The following CMIP variants were observed in gnomAD, a reference collection of about 807,000 sequenced individuals.
CMIP encodes c-Maf inducing protein.
A neutral mutation model predicts 97.3 loss-of-function variants in CMIP; 13 were observed. The observed-to-expected ratio is 0.13, with a 90% CI of 0.09 to 0.21. CMIP has a LOEUF of 0.21. Ranked by LOEUF, CMIP falls within the 10% of genes least tolerant of loss-of-function variation. The pLI, the probability that CMIP is intolerant of heterozygous loss-of-function variation, is 1.00. For synonymous variants in CMIP, 538 were observed against 436.3 expected (o/e 1.23, Z -2.91); for missense variants, 847 against 1,024.9 (o/e 0.83, Z 2.37).
intron 1 of CMIP, among the ~76,000 whole-genome samples, chr16:81,595,478 T>A (rs1252967794): frequency 1.3e-5 from 2 of 151,314 alleles, no homozygotes; most frequent in African/African-American, 4.8e-5. Context: ...AGCTTCTGCC[T>A]GCCCTGTTCA....
chr16:81,524,820 G>C (rs913506045), intron 1 of CMIP, among the ~76,000 whole-genome samples: 2 of 149,968 alleles, frequency 1.3e-5, no homozygotes, highest in African/African-American at 4.9e-5. Context: ...TTGAGATGGA[G>C]TCTCATTCCT....
At chr16:81,548,017 T>G (rs2090581454) in intron 1 of CMIP, among the ~76,000 whole-genome samples, 1 of 152,202 alleles carries the variant, frequency 6.6e-6, no homozygotes, top group Admixed American at 6.5e-5. Context: ...TGGAACAATT[T>G]CCAGATCATT....
At chr16:81,699,648 G>A in intron 14 of CMIP, 37 bp from the exon 15 acceptor site, 1 of 1,391,400 alleles carries the variant, frequency 7.2e-7, no homozygotes, top group African/African-American at 1.4e-5. Context: ...GGCACTGGGT[G>A]TCTCTGTCCC....
intron 1 of CMIP, among the ~76,000 whole-genome samples, chr16:81,577,012 A>T (rs918194018): frequency 6.8e-6 from 1 of 147,400 alleles, no homozygotes; most frequent in Non-Finnish European, 1.5e-5. Flanking sequence ...TTACCACTAC[A>T]TTATTATCAC....
At chr16:81,470,508 A>G (rs1318588013) in intron 1 of CMIP, among the ~76,000 whole-genome samples, 1 of 152,214 alleles carries the variant, frequency 6.6e-6, no homozygotes, top group Non-Finnish European at 1.5e-5. Context: ...AAGTGCTAAA[A>G]ATAAGGCTGG....
At chr16:81,693,528 G>A (rs1343097404) in intron 13 of CMIP, 41 bp downstream of exon 13, 2 of 1,594,138 alleles carry the variant, frequency 1.3e-6, no homozygotes, top group Admixed American at 1.7e-5. Context: ...GCTGTCTGGG[G>A]ATGGCAGGAT....
At chr16:81,451,325 A>T (rs1053035507) in intron 1 of CMIP, among the ~76,000 whole-genome samples, 1 of 152,128 alleles carries the variant, frequency 6.6e-6, no homozygotes, top group Non-Finnish European at 1.5e-5. Flanking sequence ...GTCTGCCACC[A>T]TGTAAGACGT....
chr16:81,634,263 T>G (rs1416437966), intron 3 of CMIP, among the ~76,000 whole-genome samples: 9 of 152,214 alleles, frequency 5.9e-5, no homozygotes. Flanking sequence ...TCCATCTACT[T>G]TATTTTCATT....
rs2150826895 is a variant in CMIP at position 81,533,660 on chromosome 16, G to A, written c.301-73907G>A. Among the ~76,000 whole-genome samples the A allele has an allele frequency of 1.3e-5, 2 of 152,146 alleles. 1 individual carries two copies. The highest frequency in any genetic ancestry group is 1.3e-4 in the Admixed American group (2 of 15,290). On this transcript the variant is annotated intron_variant, in intron 1 of 20. Transcript: ENST00000537098. Reference sequence around the variant, plus strand: ...TGCCCAGCTAATTTTTTGTATTTTAGTAGAGACAGGGTTTCACCGTGTTGC... The same window carrying A: ...TGCCCAGCTAATTTTTTGTATTTTAATAGAGACAGGGTTTCACCGTGTTGC...
At position 81,675,123 on chromosome 16, in the gene CMIP, G is replaced by A. The variant is rs767065947; in HGVS notation, c.1034+3053G>A. The stretch of plus-strand genomic sequence containing the variant: ...CTGTTCTCCAGGCAAGAAGCAGGAA[G>A]AGGGTGACCCAGGGAGAGAACCACA... On this transcript the variant is annotated intron_variant, in intron 9 of 20. Coordinates refer to ENST00000537098, the MANE Select transcript of CMIP (RefSeq NM_198390.3). Among the ~76,000 whole-genome samples the A allele has an allele frequency of 2.0e-5, 3 of 152,204 alleles. No individual in the cohort carries two copies. The South Asian group carries it at 6.2e-4, about 32-fold the overall frequency.
chr16:81,658,411 C>A (rs1262682468), intron 5 of CMIP, among the ~76,000 whole-genome samples: 4 of 152,196 alleles, frequency 2.6e-5, no homozygotes, highest in Non-Finnish European at 5.9e-5. Context: ...CACAGATAAC[C>A]TAGTCCCTAA....
intron 7 of CMIP, chr16:81,665,799 C>T (rs2092596942): frequency 6.6e-6 from 1 of 152,170 alleles, no homozygotes; most frequent in Non-Finnish European, 1.5e-5. Flanking sequence ...TCATGGCAGA[C>T]ATCATTAATC....
In CMIP at chr16:81,700,821, C is replaced by T. The variant is rs560494486; in HGVS notation, c.1756-839C>T. On this transcript the variant is annotated intron_variant, in intron 15 of 20. Coordinates refer to ENST00000537098, the MANE Select transcript of CMIP (RefSeq NM_198390.3). ...GAGGTCTGGGATGTGGCTGGATGGG[C>T]ATGAAGAGCCTTCTGGGTACCTAGA... Among the ~76,000 whole-genome samples the T allele has an allele frequency of 1.2e-3, 179 of 152,228 alleles. 1 individual carries two copies. The highest frequency in any genetic ancestry group is 4.2e-3 in the African/African-American group (173 of 41,532).
At chr16:81,665,916 GCTATGTAC>G (rs1413256312) in intron 7 of CMIP, 1 of 152,192 alleles carries the variant, frequency 6.6e-6, no homozygotes, top group Non-Finnish European at 1.5e-5. Flanking sequence ...CATAATGAAT[GCTATGTAC>G]CATTCTCTAC....
At chr16:81,473,776 A>G (rs1202295537) in intron 1 of CMIP, among the ~76,000 whole-genome samples, 4 of 150,010 alleles carry the variant, frequency 2.7e-5, no homozygotes, top group South Asian at 2.1e-4. Context: ...GGCCAAGTCA[A>G]GTCTGCTGAC....
At chr16:81,480,951 A>T (rs1457200242) in intron 1 of CMIP, among the ~76,000 whole-genome samples, 1 of 152,142 alleles carries the variant, frequency 6.6e-6, no homozygotes, top group East Asian at 1.9e-4. Context: ...GGCTGAATGC[A>T]GTGTTTTCAC....
chr16:81,532,598 C>A (rs1029432285), intron 1 of CMIP, among the ~76,000 whole-genome samples: 1 of 152,138 alleles, frequency 6.6e-6, no homozygotes, highest in South Asian at 2.1e-4. Flanking sequence ...GTCGGGAGAA[C>A]CTTTCCCAGG....
intron 3 of CMIP, among the ~76,000 whole-genome samples, chr16:81,646,499 A>G (rs1338300929): frequency 6.6e-6 from 1 of 152,244 alleles, no homozygotes; most frequent in Non-Finnish European, 1.5e-5. Context: ...TGGAATCCAC[A>G]TACCATAAAA....
intron 1 of CMIP, among the ~76,000 whole-genome samples, chr16:81,540,138 C>T (rs771060595): frequency 2.6e-5 from 4 of 152,222 alleles, no homozygotes; most frequent in Non-Finnish European, 1.5e-5. Context: ...TCCATCCAAA[C>T]GGAAAGACGA....
Sources: gnomAD v4.1 joint callset for allele counts (sites outside exome capture counted in the v4.1 genomes callset) on GRCh38, gnomAD v4.1.1 for gene constraint, MANE v1.5 for transcripts, NCBI Gene and HGNC (gene_info 2026-07-23, HGNC 2026-07-21) for gene names.